The following ADGRL1 variants were observed in gnomAD, a reference collection of about 807,000 sequenced individuals.
ADGRL1 encodes CIRL-1.
In ADGRL1, 31 loss-of-function variants were observed where a neutral mutation model predicts 148.9. That is an observed-to-expected ratio of 0.21 (90% CI 0.16 to 0.28). The LOEUF is 0.28. Ranked by LOEUF, ADGRL1 falls within the 10% of genes least tolerant of loss-of-function variation. The pLI is 1.00. For synonymous variants in ADGRL1, 937 were observed against 900.3 expected, an observed-to-expected ratio of 1.04 and a Z score of -0.73; for missense variants, 1,521 against 2,058.8, an observed-to-expected ratio of 0.74 and a Z score of 5.05.
At position 14,159,495 on chromosome 19, in the gene ADGRL1, G is replaced by A. The variant is rs1425354548; in HGVS notation, c.1929C>T (p.Ala643=). ...DMNATEQVHT[A]TMLLDVLEEG... is the part of the protein sequence containing the mutation. ...CCTCCAGGACGTCGAGGAGCATGGT[G>A]GCCGTGTGCACCTGCTCCGTGGCAT... The change falls in exon 10 of 23, where the codon GCC becomes GCT. Residue 643 remains alanine (A), a synonymous_variant. Transcript: ENST00000361434. This position sits in a 1 kb window ranked among gnomAD's most constrained non-coding sequence, Gnocchi z 6.0. 1.2e-6 allele frequency: 2 copies of A among 1,613,132 alleles called. No homozygotes were observed. The highest frequency in any genetic ancestry group is 1.1e-5 in the South Asian group (1 of 91,064).
chr19:14,161,360 T>C lies in ADGRL1; in HGVS notation c.1462A>G (p.Thr488Ala), dbSNP rs1357787197. The C allele has an allele frequency of 2.3e-5, 37 of 1,583,868 alleles. No homozygotes were observed. Among genetic ancestry groups the C allele is most frequent in the Non-Finnish European group, 3.2e-5 (37 of 1,167,720 alleles). Residue 488 changes from threonine (T) to alanine (A), a missense_variant, in exon 6 of 23, where the codon ACC becomes GCC. Around this residue, in one of 8 missense-constraint regions of ADGRL1, gnomAD observed 270 missense variants for 320.4 expected, o/e 0.84. Transcript: ENST00000361434. The surrounding 1 kb of genome is among the most constrained non-coding windows in gnomAD (Gnocchi z 4.4). ...REVRRVQWPA[T>A]QQGMLVERPC... is the part of the protein sequence containing the mutation. Reference sequence around the variant, plus strand: ...CTCTCCACCAGCATGCCCTGCTGGGTGGCCGGCCACTGGACCCGCCGTACC... The same window carrying C: ...CTCTCCACCAGCATGCCCTGCTGGGCGGCCGGCCACTGGACCCGCCGTACC...
In ADGRL1 at chr19:14,161,939, G is replaced by T. The variant is rs1311836518; in HGVS notation, c.1196-313C>A. On this transcript the variant is annotated intron_variant, in intron 5 of 22. Coordinates refer to ENST00000361434, the MANE Select transcript of ADGRL1 (RefSeq NM_014921.5). This position sits in a 1 kb window ranked among gnomAD's most constrained non-coding sequence, Gnocchi z 4.4. ...GGGGACAGGAATCCTCCCAGGTTGA[G>T]CCCGAGGGCAGGAGCCCTCCCCAAT... Among the ~76,000 whole-genome samples the T allele has an allele frequency of 6.6e-6, 1 of 152,150 alleles. No homozygotes were observed. The highest frequency in any genetic ancestry group is 1.9e-4 in the East Asian group (1 of 5,186).
In ADGRL1 at chr19:14,161,685, T is replaced by C; in HGVS notation, c.1196-59A>G. ...TGCTCAGGGCCATGCCACAGTGTGC[T>C]TGGGCAGGGGGTCCCAGGCCATCTT... On this transcript the variant is annotated intron_variant, in intron 5 of 22. Transcript: ENST00000361434. The surrounding 1 kb of genome is among the most constrained non-coding windows in gnomAD (Gnocchi z 4.4). 8.2e-7 allele frequency: 1 copy of C among 1,217,966 alleles called. No individual in the cohort carries two copies. Among genetic ancestry groups the C allele is most frequent in the Non-Finnish European group, 1.1e-6 (1 of 944,484 alleles). The allele number at this position is 1,217,966 out of a possible 1,614,324, so 75.4% of individuals were successfully genotyped here.
intron 1 of ADGRL1, among the ~76,000 whole-genome samples, chr19:14,204,726 GAGAGAGAGAGAGAGAC>G: frequency 6.6e-6 from 1 of 150,918 alleles, no homozygotes; most frequent in African/African-American, 2.5e-5. Context: ...GAGAGAGAGA[GAGAGAGAGAGAGAGAC>G]AGACAGAGAG....
Position 14,152,026 on chromosome 19 carries a change from A to T in ADGRL1, c.3667+107T>A. On this transcript the variant is annotated intron_variant, in intron 22 of 22. Transcript: ENST00000361434. The surrounding 1 kb of genome is among the most constrained non-coding windows in gnomAD (Gnocchi z 6.1). Reference sequence around the variant, plus strand: ...TGTCGGGGGGTGGGGAAATGTGGGCATGGGGAGGCATCCCGAGTTCTCCTC... The same window carrying T: ...TGTCGGGGGGTGGGGAAATGTGGGCTTGGGGAGGCATCCCGAGTTCTCCTC... 1.0e-6 allele frequency: 1 copy of T among 1,004,230 alleles called. No individual in the cohort carries two copies. The highest frequency in any genetic ancestry group is 1.6e-6 in the Non-Finnish European group (1 of 630,828). The allele number at this position is 1,004,230 out of a possible 1,614,324, so 62.2% of individuals were successfully genotyped here.
At position 14,152,617 on chromosome 19, in the gene ADGRL1, G is replaced by C; in HGVS notation, c.3424-4C>G. On this transcript the variant is annotated splice_region_variant and splice_polypyrimidine_tract_variant and intron_variant, in intron 19 of 22. Coordinates refer to ENST00000361434, the MANE Select transcript of ADGRL1 (RefSeq NM_014921.5). The surrounding 1 kb of genome is among the most constrained non-coding windows in gnomAD (Gnocchi z 6.1). ...TCCACATCCTCCGAATTCGGCTCTG[G>C]GAACACAACCCAAATGTGAGGGGAT... 2.5e-6 allele frequency: 4 copies of C among 1,613,716 alleles called. No homozygotes were observed. Among genetic ancestry groups the C allele is most frequent in the Non-Finnish European group, 3.4e-6 (4 of 1,179,802 alleles).
Position 14,155,297 on chromosome 19 carries a change from C to G in ADGRL1, c.3294+62G>C. ...GTCCCCTCCACCCTCGCCGCCTTCTCCTGGGTACCCAGGAAACGTCTCCAA... is the reference window on the plus strand; with the variant it reads ...GTCCCCTCCACCCTCGCCGCCTTCTGCTGGGTACCCAGGAAACGTCTCCAA... On this transcript the variant is annotated intron_variant, in intron 18 of 22. Transcript: ENST00000361434. The surrounding 1 kb of genome is among the most constrained non-coding windows in gnomAD (Gnocchi z 5.0). 1.3e-6 allele frequency: 2 copies of G among 1,587,884 alleles called. No homozygotes were observed. Among genetic ancestry groups the G allele is most frequent in the Non-Finnish European group, 8.6e-7 (1 of 1,163,850 alleles).
chr19:14,156,864 A>C, intron 15 of ADGRL1, 61 bp downstream of exon 15: 1 of 1,576,028 alleles, frequency 6.3e-7, no homozygotes, highest in South Asian at 1.1e-5. Flanking sequence ...TCCTGGTCCA[A>C]GGGGTGCCGC....
At chr19:14,202,524 A>G (rs1972681974) in intron 1 of ADGRL1, among the ~76,000 whole-genome samples, 1 of 152,070 alleles carries the variant, frequency 6.6e-6, no homozygotes, top group African/African-American at 2.4e-5. Flanking sequence ...AAGTGCTGGG[A>G]TTACAGGTAT....
chr19:14,201,199 G>C (rs966133132), intron 1 of ADGRL1, among the ~76,000 whole-genome samples: 3 of 151,900 alleles, frequency 2.0e-5, no homozygotes, highest in Admixed American at 2.0e-4. Context: ...CCTCCTCAAG[G>C]GATAAGAAGG....
rs199630956 is a variant in ADGRL1 at position 14,149,682 on chromosome 19, G to GAGGGGACAGAAA, written c.*1190_*1191insTTTCTGTCCCCT. 5 of 4,344 alleles carry GAGGGGACAGAAA rather than the reference G, an allele frequency of 1.2e-3. No individual in the cohort carries two copies. In the Admixed American group the frequency reaches 0.015, roughly 13 times the overall value. The allele number at this position is 4,344 out of a possible 1,614,324, so 0.3% of individuals were successfully genotyped here. On this transcript the variant is annotated 3_prime_UTR_variant, in exon 23 of 23. Coordinates refer to ENST00000361434, the MANE Select transcript of ADGRL1 (RefSeq NM_014921.5). ...ATGCCGGGCAGGCGGAGCAGGAAAG[G>GAGGGGACAGAAA]AGGGTGCCAGGAAGGAAATGGGTTC...
Position 14,152,885 on chromosome 19 carries a change from G to A in ADGRL1, c.3322C>T (p.Arg1108Cys), listed in dbSNP as rs778374913. The stretch of plus-strand genomic sequence containing the variant: ...GAGCGGATGCAGCAGTAGGAGTGAC[G>A]CAGGCACTTGCTGTACTCCTTGTGC... Reference protein sequence around the residue: ...KVHKEYSKCLRHSYCCIRSPP... With the variant: ...KVHKEYSKCLCHSYCCIRSPP... Residue 1108 changes from arginine (R) to cysteine (C), a missense_variant, in exon 19 of 23, where the codon CGT becomes TGT. Arg to Cys is a radical substitution (Grantham distance 180). Transcript: ENST00000361434. The surrounding 1 kb of genome is among the most constrained non-coding windows in gnomAD (Gnocchi z 6.1). 2 of 1,613,978 alleles carry A rather than the reference G, an allele frequency of 1.2e-6. No individual in the cohort carries two copies. The highest frequency in any genetic ancestry group is 1.7e-6 in the Non-Finnish European group (2 of 1,180,016).
chr19:14,173,323 T>C (rs1970605121), intron 3 of ADGRL1, among the ~76,000 whole-genome samples: 1 of 152,108 alleles, frequency 6.6e-6, no homozygotes, highest in African/African-American at 2.4e-5. Context: ...AGAGCAGCGG[T>C]GTGATCATGG....
At chr19:14,183,780 G>A in intron 1 of ADGRL1, 83 bp from the exon 2 acceptor site, 2 of 599,314 alleles carry the variant, frequency 3.3e-6, no homozygotes, top group Non-Finnish European at 2.9e-6. Flanking sequence ...GAGTAGCTCT[G>A]AGAGGCTGAG....
rs750909888 is a variant in ADGRL1, at chr19:14,163,315, C to A, written c.486G>T (p.Pro162=). ...EHQSGAWCKD[P]LQAGDRIYVM... Reference sequence around the variant, plus strand: ...CGTAGATGCGGTCACCCGCCTGCAGCGGGTCCTTGCACCATGCGCCAGACT... The same window carrying A: ...CGTAGATGCGGTCACCCGCCTGCAGAGGGTCCTTGCACCATGCGCCAGACT... The change falls in exon 5 of 23, where the codon CCG becomes CCT. Residue 162 remains proline (P), a synonymous_variant. Transcript: ENST00000361434. The A allele has an allele frequency of 1.2e-6, 2 of 1,613,100 alleles. No individual in the cohort carries two copies. The highest frequency in any genetic ancestry group is 1.7e-6 in the Non-Finnish European group (2 of 1,179,876).
chr19:14,196,021 G>A (rs1276233251), intron 1 of ADGRL1, among the ~76,000 whole-genome samples: 1 of 152,058 alleles, frequency 6.6e-6, no homozygotes, highest in East Asian at 1.9e-4. Context: ...CTCCTTCAGA[G>A]TCCACTCACC....
At chr19:14,205,207 G>A (rs1026866519) in intron 1 of ADGRL1, among the ~76,000 whole-genome samples, 9 of 152,060 alleles carry the variant, frequency 5.9e-5, no homozygotes, top group African/African-American at 1.4e-4. Context: ...CAGATGGGAG[G>A]ATGACAACCA....
rs1356001393 is a variant in ADGRL1, at chr19:14,183,578, A to G, written c.25T>C (p.Trp9Arg). ...AGGACGGCGGTGACACACAGATTCC[A>G]GAGCACTGCGGCTAGGCGGGCCATG... MARLAAVL[W>R]NLCVTAVLVT... The change falls in exon 2 of 23, where the codon TGG (tryptophan) becomes CGG (arginine). Residue 9 changes from tryptophan to arginine, a missense_variant. By Grantham distance (101) the Trp-to-Arg change is moderately radical (BLOSUM62 -3). Coordinates refer to ENST00000361434, the MANE Select transcript of ADGRL1 (RefSeq NM_014921.5). The G allele has an allele frequency of 6.3e-7, 1 of 1,585,158 alleles. No homozygotes were observed.
intron 3 of ADGRL1, among the ~76,000 whole-genome samples, chr19:14,173,160 C>T (rs1001375206): frequency 3.9e-5 from 6 of 152,106 alleles, no homozygotes; most frequent in Non-Finnish European, 8.8e-5. Context: ...GGGGTTTTGC[C>T]GTGTTGCCTA....
Sources: allele counts gnomAD v4.1 joint callset (sites outside exome capture counted in the v4.1 genomes callset), GRCh38; gene constraint gnomAD v4.1.1; regional missense constraint gnomAD v4.1.1; non-coding constraint Gnocchi (gnomAD v3.1); transcripts MANE v1.5; gene names NCBI Gene and HGNC (gene_info 2026-07-23, HGNC 2026-07-21).